ZNF536: variants seen among roughly 807,000 people sequenced by gnomAD.
ZNF536 encodes the protein zinc finger protein 536.
In ZNF536, 13 loss-of-function variants were observed where a neutral mutation model predicts 84.5. The observed-to-expected ratio is 0.15, with a 90% confidence interval of 0.10 to 0.24. The LOEUF (loss-of-function observed/expected upper bound fraction) is 0.24. Ranked by LOEUF, ZNF536 falls within the 10% of genes least tolerant of loss-of-function variation. The pLI is 1.00. For missense variants in ZNF536, 1,536 were observed against 1,747.5 expected, an observed-to-expected ratio of 0.88 and a Z score of 2.16; for synonymous variants, 811 against 742.5, an observed-to-expected ratio of 1.09 and a Z score of -1.50.
At chr19:30,377,860 C>T (rs967770014) in intron 1 of ZNF536, among the ~76,000 whole-genome samples, 3 of 152,176 alleles carry the variant, frequency 2.0e-5, no homozygotes, top group African/African-American at 7.2e-5. Flanking sequence ...CAGCAGGTCT[C>T]AGCCTCATTT....
chr19:30,341,384 A>G (rs1274332670), intron 2 of ZNF536, among the ~76,000 whole-genome samples: 1 of 152,238 alleles, frequency 6.6e-6, no homozygotes, highest in Admixed American at 6.5e-5. Context: ...ACAAAACAAC[A>G]CAAGAGGGAA....
intron 1 of ZNF536, among the ~76,000 whole-genome samples, chr19:30,433,159 C>T (rs982804747): frequency 3.3e-5 from 5 of 152,202 alleles, no homozygotes; most frequent in South Asian, 2.1e-4. Context: ...CACATGTGGC[C>T]TACTTCTCCT....
chr19:30,617,305 C>T (rs550154937), intron 1 of ZNF536, among the ~76,000 whole-genome samples: 3 of 140,718 alleles, frequency 2.1e-5, no homozygotes, highest in Non-Finnish European at 4.6e-5. Context: ...CCCACAGTCC[C>T]CAGAGTCCAC....
chr19:30,366,549 A>G (rs2048439754), intron 3 of ZNF536, among the ~76,000 whole-genome samples: 1 of 151,648 alleles, frequency 6.6e-6, no homozygotes. Context: ...AGATAGATCT[A>G]TTTACCTTTC....
At chr19:30,562,460 CA>C (rs1022744874), downstream of ZNF536, among the ~76,000 whole-genome samples, 1 of 151,918 alleles carries the variant, frequency 6.6e-6, no homozygotes, top group African/African-American at 2.4e-5. Flanking sequence ...GTTAAAATAG[CA>C]AAAGAAAAGA....
At chr19:30,550,300 G>T (rs1034920252) in intron 4 of ZNF536, among the ~76,000 whole-genome samples, 2 of 152,204 alleles carry the variant, frequency 1.3e-5, no homozygotes, top group Non-Finnish European at 2.9e-5. Context: ...AGGAATTCCA[G>T]ATTTCCGAAC....
intron 1 of ZNF536, among the ~76,000 whole-genome samples, chr19:30,420,106 G>C (rs528715082): frequency 6.6e-6 from 1 of 152,194 alleles, no homozygotes; most frequent in African/African-American, 2.4e-5. Context: ...GGGATGTCAC[G>C]GGGAACTGCT....
At chr19:30,409,050 C>A (rs1334121561) in intron 1 of ZNF536, among the ~76,000 whole-genome samples, 2 of 151,596 alleles carry the variant, frequency 1.3e-5, no homozygotes, top group African/African-American at 4.9e-5. Flanking sequence ...ATTCATCCAT[C>A]CATCCACTCA....
At chr19:30,590,856 T>A (rs1238346257) in intron 1 of ZNF536, among the ~76,000 whole-genome samples, 1 of 152,194 alleles carries the variant, frequency 6.6e-6, no homozygotes, top group African/African-American at 2.4e-5. Flanking sequence ...GTCCAGCTGT[T>A]GAAGGGAAGG....
intron 1 of ZNF536, among the ~76,000 whole-genome samples, chr19:30,414,068 C>T (rs989959236): frequency 1.7e-4 from 20 of 118,386 alleles, no homozygotes; most frequent in African/African-American, 4.3e-4. Flanking sequence ...ACTCCAACCC[C>T]GGGCAACAGT....
chr19:30,369,494 G>T, upstream of ZNF536, among the ~76,000 whole-genome samples: 1 of 152,326 alleles, frequency 6.6e-6, no homozygotes, highest in East Asian at 1.9e-4. Flanking sequence ...AGTCCGACCC[G>T]TCTGCGATTG....
chr19:30,538,290 T>G (rs927028691), intron 3 of ZNF536, among the ~76,000 whole-genome samples: 3 of 152,336 alleles, frequency 2.0e-5, no homozygotes, highest in African/African-American at 7.2e-5. Flanking sequence ...TTTTAAACCA[T>G]GGACCCATAT....
intron 2 of ZNF536, among the ~76,000 whole-genome samples, chr19:30,342,390 A>G (rs539753800): frequency 1.3e-5 from 2 of 152,266 alleles, no homozygotes; most frequent in South Asian, 4.2e-4. Context: ...CTTTAAAAAG[A>G]TATTTTCTTG....
chr19:30,537,095 A>G (rs1466380725), intron 3 of ZNF536, among the ~76,000 whole-genome samples: 3 of 152,214 alleles, frequency 2.0e-5, no homozygotes, highest in Non-Finnish European at 4.4e-5. Flanking sequence ...ACTCCTTGAG[A>G]GCAAAGGCTG....
At chr19:30,499,411 GTGTT>G (rs1171463412) in intron 2 of ZNF536, among the ~76,000 whole-genome samples, 1 of 151,946 alleles carries the variant, frequency 6.6e-6, no homozygotes, top group African/African-American at 2.4e-5. Context: ...GTATCTATCT[GTGTT>G]TGTGTGAACG....
chr19:30,245,383 G>A (rs1279915903), intron 1 of ZNF536, among the ~76,000 whole-genome samples: 2 of 152,146 alleles, frequency 1.3e-5, no homozygotes, highest in Non-Finnish European at 2.9e-5. Flanking sequence ...CAAAGCCAGG[G>A]CCCCTAACAG....
At chr19:30,654,425 C>G (rs2049827749) in intron 1 of ZNF536, among the ~76,000 whole-genome samples, 1 of 151,918 alleles carries the variant, frequency 6.6e-6, no homozygotes, top group South Asian at 2.1e-4. Context: ...CTTATTCACC[C>G]CATCCCCAGT....
At chr19:30,467,969 G>A (rs182783737) in intron 2 of ZNF536, among the ~76,000 whole-genome samples, 5 of 152,340 alleles carry the variant, frequency 3.3e-5, no homozygotes, top group Non-Finnish European at 7.3e-5. Context: ...TCTGCCATCC[G>A]GGAAGGAGGT....
chr19:30,570,418 C>A (rs893079407), intron 1 of ZNF536, among the ~76,000 whole-genome samples: 5 of 152,160 alleles, frequency 3.3e-5, no homozygotes, highest in Non-Finnish European at 7.3e-5. Flanking sequence ...CAGCCGGGAG[C>A]CAGCCTTTTC....
Sources: allele counts gnomAD v4.1 joint callset (sites outside exome capture counted in the v4.1 genomes callset), GRCh38; gene constraint gnomAD v4.1.1; transcripts MANE v1.5; gene names NCBI Gene and HGNC (gene_info 2026-07-23, HGNC 2026-07-21).